Variants in CDH12 observed in about 807,000 individuals in gnomAD.
CDH12 encodes cadherin-12.
A neutral mutation model predicts 74.1 loss-of-function variants in CDH12; 41 were observed. The ratio of observed to expected loss-of-function variants is 0.55; its 90% CI spans 0.43 to 0.72. The LOEUF is 0.72. Ranked by LOEUF, CDH12 falls within the 30% of genes least tolerant of loss-of-function variation. The pLI is 0.00. For missense variants in CDH12, 945 were observed against 977.2 expected, an observed-to-expected ratio of 0.97 and a Z score of 0.44; for synonymous variants, 399 against 355.0, an observed-to-expected ratio of 1.12 and a Z score of -1.39.
chr5:21,794,645 C>T (rs1746681567), intron 10 of CDH12, among the ~76,000 whole-genome samples: 1 of 151,636 alleles, frequency 6.6e-6, no homozygotes, highest in South Asian at 2.1e-4. Context: ...ATATGTTTTG[C>T]ATTGTTTCTG....
chr5:21,788,796 C>T (rs1746335830), intron 10 of CDH12, among the ~76,000 whole-genome samples: 1 of 152,080 alleles, frequency 6.6e-6, no homozygotes, highest in Admixed American at 6.6e-5. Flanking sequence ...AAGCCACAGA[C>T]ATGCACTTCA....
chr5:22,018,373 G>A (rs915203900), intron 5 of CDH12, among the ~76,000 whole-genome samples: 7 of 151,674 alleles, frequency 4.6e-5, no homozygotes, highest in Non-Finnish European at 8.8e-5. Flanking sequence ...TGTAAGAAAG[G>A]TTATGTGATC....
intron 2 of CDH12, among the ~76,000 whole-genome samples, chr5:22,430,555 T>C (rs1454557225): frequency 1.3e-5 from 2 of 152,164 alleles, no homozygotes; most frequent in African/African-American, 2.4e-5. Flanking sequence ...CTCAATTCTT[T>C]TTTTCCTCCC....
intron 3 of CDH12, among the ~76,000 whole-genome samples, chr5:22,359,619 G>C (rs544573816): frequency 2.0e-5 from 3 of 152,240 alleles, no homozygotes; most frequent in Admixed American, 6.5e-5. Flanking sequence ...CAAATCAAGA[G>C]AATAAACATT....
intron 1 of CDH12, among the ~76,000 whole-genome samples, chr5:22,841,192 G>T (rs1737066146): frequency 1.3e-5 from 2 of 152,162 alleles, no homozygotes; most frequent in African/African-American, 2.4e-5. Context: ...GGGAGTCATG[G>T]TGACAAGAGA....
chr5:22,796,682 G>T (rs1316950361), intron 1 of CDH12, among the ~76,000 whole-genome samples: 1 of 133,502 alleles, frequency 7.5e-6, no homozygotes, highest in Non-Finnish European at 1.5e-5. Flanking sequence ...ACTACGCCCG[G>T]CTAATTTTTT....
chr5:22,084,037 G>A (rs1742910860), intron 4 of CDH12, among the ~76,000 whole-genome samples: 2 of 152,092 alleles, frequency 1.3e-5, no homozygotes, highest in Admixed American at 6.6e-5. Flanking sequence ...CAAAGATCTG[G>A]GAAGGACATA....
intron 6 of CDH12, among the ~76,000 whole-genome samples, chr5:21,868,916 T>C (rs112105449): frequency 1.3e-5 from 2 of 152,140 alleles, no homozygotes; most frequent in African/African-American, 4.8e-5. Context: ...GGTGGATTAT[T>C]GGCACCACTC....
At chr5:21,941,638 A>G (rs1755332857) in intron 6 of CDH12, among the ~76,000 whole-genome samples, 1 of 151,884 alleles carries the variant, frequency 6.6e-6, no homozygotes, top group South Asian at 2.1e-4. Flanking sequence ...CTTATAGACT[A>G]TTTATATATT....
intron 1 of CDH12, among the ~76,000 whole-genome samples, chr5:22,758,026 C>G (rs952473608): frequency 1.3e-5 from 2 of 152,118 alleles, no homozygotes; most frequent in Admixed American, 1.3e-4. Context: ...CTCTTTAAAT[C>G]TGTCTGCTCT....
intron 1 of CDH12, among the ~76,000 whole-genome samples, chr5:22,774,969 C>T (rs114783960): frequency 0.01 from 1,539 of 151,904 alleles, 29 homozygotes; most frequent in African/African-American, 0.035. Context: ...GCATATGTAC[C>T]TCCTGGTTCT....
chr5:22,708,902 G>T (rs889153094), intron 1 of CDH12, among the ~76,000 whole-genome samples: 3 of 152,140 alleles, frequency 2.0e-5, no homozygotes, highest in Non-Finnish European at 4.4e-5. Context: ...GATGCCACCG[G>T]CCACTGAAAG....
chr5:22,140,746 C>T (rs1160827022), intron 4 of CDH12, among the ~76,000 whole-genome samples: 1 of 152,036 alleles, frequency 6.6e-6, no homozygotes, highest in African/African-American at 2.4e-5. Context: ...TGGGAGAGTC[C>T]CCTTGGATTT....
chr5:22,510,741 C>T (rs1316265118), intron 1 of CDH12, among the ~76,000 whole-genome samples: 1 of 151,762 alleles, frequency 6.6e-6, no homozygotes, highest in African/African-American at 2.4e-5. Flanking sequence ...AATTATTTTT[C>T]TAATTATGTT....
intron 5 of CDH12, among the ~76,000 whole-genome samples, chr5:22,014,442 C>T (rs897574935): frequency 3.6e-4 from 54 of 151,892 alleles, no homozygotes; most frequent in South Asian, 2.3e-3. Flanking sequence ...TATACTCATA[C>T]GCATAACTCA....
intron 3 of CDH12, among the ~76,000 whole-genome samples, chr5:22,251,231 G>A (rs766853289): frequency 2.6e-5 from 4 of 152,130 alleles, no homozygotes; most frequent in Non-Finnish European, 5.9e-5. Flanking sequence ...CACATTGGAA[G>A]GGCAAGACTG....
intron 4 of CDH12, among the ~76,000 whole-genome samples, chr5:22,098,871 G>T (rs987579541): frequency 6.6e-6 from 1 of 152,232 alleles, no homozygotes; most frequent in Middle Eastern, 3.4e-3. Flanking sequence ...GCAAAGGCAG[G>T]CTATGCTATA....
intron 1 of CDH12, among the ~76,000 whole-genome samples, chr5:22,533,566 C>T (rs2126707631): frequency 6.6e-6 from 1 of 152,200 alleles, no homozygotes. Flanking sequence ...GCCATGCTTC[C>T]TAGGTAAGTA....
At chr5:22,006,003 T>A (rs1047999764) in intron 5 of CDH12, among the ~76,000 whole-genome samples, 2 of 152,152 alleles carry the variant, frequency 1.3e-5, no homozygotes, top group Non-Finnish European at 2.9e-5. Context: ...TTCTACCAAC[T>A]ACTAAAGCTT....
Sources: allele counts gnomAD v4.1 joint callset (sites outside exome capture counted in the v4.1 genomes callset), GRCh38; gene constraint gnomAD v4.1.1; transcripts MANE v1.5; gene names NCBI Gene and HGNC (gene_info 2026-07-23, HGNC 2026-07-21).